Variants in SLC9A2 observed in about 807,000 individuals in gnomAD.
SLC9A2 encodes the protein solute carrier family 9 member A2.
A neutral mutation model predicts 71.7 loss-of-function variants in SLC9A2; 42 were observed. That is an observed-to-expected ratio of 0.59 (90% CI 0.46 to 0.76). The LOEUF (loss-of-function observed/expected upper bound fraction) is 0.76. Among genes scored for constraint, SLC9A2 ranks in the 30% least tolerant of loss-of-function variants. The pLI is 0.00. For missense variants in SLC9A2, 829 were observed against 1,017.4 expected, an observed-to-expected ratio of 0.81 and a Z score of 2.52; for synonymous variants, 396 against 392.5, an observed-to-expected ratio of 1.01 and a Z score of -0.10.
intron 10 of SLC9A2, 120 bp downstream of exon 10, chr2:102,704,795 C>T (rs939255588): frequency 8.0e-6 from 9 of 1,128,710 alleles, no homozygotes; most frequent in Non-Finnish European, 1.1e-5. Flanking sequence ...CTCTGAGGAG[C>T]TGCAGGAAGG....
chr2:102,662,458 G>A (rs1400085108), intron 2 of SLC9A2, among the ~76,000 whole-genome samples: 2 of 152,100 alleles, frequency 1.3e-5, no homozygotes, highest in Non-Finnish European at 2.9e-5. Context: ...GGGGACATGG[G>A]GCACTCACTC....
intron 3 of SLC9A2, among the ~76,000 whole-genome samples, chr2:102,682,059 C>T (rs558682199): frequency 9.2e-5 from 14 of 152,186 alleles, no homozygotes; most frequent in East Asian, 7.7e-4. Flanking sequence ...GGTGGAGTTA[C>T]GAGAATGCTG....
chr2:102,647,118 G>A (rs1042981114), intron 1 of SLC9A2, among the ~76,000 whole-genome samples: 7 of 152,128 alleles, frequency 4.6e-5, no homozygotes, highest in Admixed American at 1.3e-4. Context: ...CCATTTCTCA[G>A]ACCACACTGC....
At chr2:102,688,613 A>G (rs1165243685) in intron 5 of SLC9A2, among the ~76,000 whole-genome samples, 1 of 152,150 alleles carries the variant, frequency 6.6e-6, no homozygotes, top group Non-Finnish European at 1.5e-5. Flanking sequence ...CTATAATCCC[A>G]GCTACTCGGG....
At chr2:102,702,936 A>G (rs1677902108) in intron 9 of SLC9A2, among the ~76,000 whole-genome samples, 1 of 152,210 alleles carries the variant, frequency 6.6e-6, no homozygotes, top group African/African-American at 2.4e-5. Flanking sequence ...TGCTAACAAC[A>G]CAGCTACAGA....
chr2:102,631,237 A>G (rs964828636), intron 1 of SLC9A2, among the ~76,000 whole-genome samples: 2 of 152,104 alleles, frequency 1.3e-5, no homozygotes, highest in South Asian at 4.1e-4. Context: ...GCTCAAAGCC[A>G]TAAGGAGTTG....
rs201428753 is a variant in SLC9A2, at chr2:102,684,297, G to A, written c.1386G>A (p.Thr462=). The change falls in exon 5 of 12, where the codon ACG becomes ACA. Residue 462 remains threonine, a synonymous_variant. Coordinates refer to ENST00000233969, the MANE Select transcript of SLC9A2 (RefSeq NM_003048.6). The stretch of plus-strand genomic sequence containing the variant: ...TTCCTCGGAAAAAATTGTTTATTAC[G>A]GCTGCCATTGTTGTCATATTCTTTA... ...AVFPRKKLFI[T]AAIVVIFFTV... The A allele has an allele frequency of 2.7e-5, 43 of 1,614,064 alleles. No homozygotes were observed. Among genetic ancestry groups the A allele is most frequent in the African/African-American group, 1.2e-4 (9 of 75,006 alleles).
rs1677937685 is a variant in SLC9A2, at chr2:102,704,639, C to T, written c.1941C>T (p.Ser647=). ...LIRRRHSLRE[S]IRKDSSLNRE... ...GCCGGCGACACAGTTTGCGAGAAAG[C>T]ATTAGGAAGGACAGCAGCTTGAATC... is the stretch of plus-strand genomic sequence containing the variant. Residue 647 remains serine, a synonymous_variant, in exon 10 of 12, where the codon AGC becomes AGT. Coordinates refer to ENST00000233969, the MANE Select transcript of SLC9A2 (RefSeq NM_003048.6). 3.7e-5 allele frequency: 60 copies of T among 1,613,200 alleles called. No homozygotes were observed. Among genetic ancestry groups the T allele is most frequent in the Non-Finnish European group, 5.1e-5 (60 of 1,179,494 alleles).
rs1558701359 is a variant in SLC9A2, at chr2:102,632,065, C to T, written c.289+11928C>T. On this transcript the variant is annotated intron_variant, in intron 1 of 11. Transcript: ENST00000233969. ...ATACACACACACATATATATACACA[C>T]ACATATATATACACACATATATATA... 3.0e-3 allele frequency among the ~76,000 whole-genome samples: 333 copies of T among 112,428 alleles called. 12 individuals are homozygous for T. Among genetic ancestry groups the T allele is most frequent in the African/African-American group, 5.7e-3 (166 of 29,162 alleles). 73.8% of individuals were successfully genotyped at this position (112,428 alleles called of 152,430 possible).
chr2:102,704,743 A>G, intron 10 of SLC9A2, 68 bp downstream of exon 10: 1 of 1,526,908 alleles, frequency 6.5e-7, no homozygotes. Flanking sequence ...TGATCAGCTG[A>G]TGGTATCATC....
At chr2:102,705,980 C>A in intron 11 of SLC9A2, 44 bp downstream of exon 11, 2 of 1,207,724 alleles carry the variant, frequency 1.7e-6, no homozygotes, top group African/African-American at 1.6e-5. Context: ...ATTTATTTGC[C>A]AATGTTTATA....
chr2:102,632,047 CACACATATAT>C (rs1558701327), intron 1 of SLC9A2, among the ~76,000 whole-genome samples: 3 of 127,520 alleles, frequency 2.4e-5, no homozygotes, highest in African/African-American at 9.2e-5. Context: ...TACATACACA[CACACATATAT>C]ATACACACAC....
intron 1 of SLC9A2, among the ~76,000 whole-genome samples, chr2:102,632,944 C>G (rs568736157): frequency 1.3e-5 from 2 of 152,146 alleles, no homozygotes; most frequent in Admixed American, 6.5e-5. Context: ...GCTGCTTTTC[C>G]CAATTCCTGG....
chr2:102,702,596 C>T (rs530678907), intron 9 of SLC9A2, 94 bp downstream of exon 9: 14 of 726,622 alleles, frequency 1.9e-5, no homozygotes, highest in South Asian at 1.4e-4. Flanking sequence ...CATCTTGACA[C>T]TGGGCTCAGC....
intron 1 of SLC9A2, among the ~76,000 whole-genome samples, chr2:102,630,123 A>G (rs929376103): frequency 6.6e-6 from 1 of 152,046 alleles, no homozygotes; most frequent in Non-Finnish European, 1.5e-5. Flanking sequence ...ACTTCCTCCA[A>G]ATTAGTTTTT....
intron 1 of SLC9A2, among the ~76,000 whole-genome samples, chr2:102,625,275 A>G (rs1676224564): frequency 6.6e-6 from 1 of 151,978 alleles, no homozygotes; most frequent in South Asian, 2.1e-4. Context: ...TTGCCACTAC[A>G]CTTTACTTCT....
intron 1 of SLC9A2, among the ~76,000 whole-genome samples, chr2:102,631,022 C>T (rs530125239): frequency 6.6e-6 from 1 of 151,816 alleles, no homozygotes; most frequent in Non-Finnish European, 1.5e-5. Flanking sequence ...ATTTGGTAAA[C>T]GTCTGTTTTC....
Position 102,708,249 on chromosome 2 carries a change from T to A in SLC9A2, c.2199T>A (p.Asn733Lys). 6.2e-7 allele frequency: 1 copy of A among 1,614,060 alleles called. No individual in the cohort carries two copies. Among genetic ancestry groups the A allele is most frequent in the Non-Finnish European group, 8.5e-7 (1 of 1,180,006 alleles). Residue 733 changes from asparagine (N) to lysine (K), a missense_variant, in exon 12 of 12, where the codon AAT (asparagine) becomes AAA (lysine). By Grantham distance (94) the Asn-to-Lys change is moderately conservative (BLOSUM62 0). Transcript: ENST00000233969. ...SPQSYKMEWK[N>K]EVDVDSGRDM... ...AGTCCTATAAAATGGAATGGAAGAA[T>A]GAGGTAGATGTTGATTCTGGCCGAG...
At chr2:102,662,062 G>C (rs1337544326) in intron 2 of SLC9A2, among the ~76,000 whole-genome samples, 3 of 152,130 alleles carry the variant, frequency 2.0e-5, no homozygotes, top group Non-Finnish European at 4.4e-5. Context: ...AAGCTTTCTG[G>C]TTGTTAAGGT....
Sources: gnomAD v4.1 joint callset for allele counts (sites outside exome capture counted in the v4.1 genomes callset) on GRCh38, gnomAD v4.1.1 for gene constraint, MANE v1.5 for transcripts, NCBI Gene and HGNC (gene_info 2026-07-23, HGNC 2026-07-21) for gene names.